The following CLNK variants were observed in gnomAD, a reference collection of about 807,000 sequenced individuals.
The protein encoded by CLNK is cytokine dependent hematopoietic cell linker, also known as cytokine-dependent hematopoietic cell linker.
In CLNK, 74 loss-of-function variants were observed where a neutral mutation model predicts 68.6. The observed-to-expected ratio is 1.08, with a 90% CI of 0.89 to 1.31. CLNK has a LOEUF of 1.31. Ranked by LOEUF, CLNK falls within the 50% of genes most tolerant of loss-of-function variation. CLNK has a pLI of 0.00. For missense variants in CLNK, 553 were observed against 515.3 expected (o/e 1.07, Z -0.71); for synonymous variants, 198 against 172.2 (o/e 1.15, Z -1.17).
rs1406370998 is a variant in CLNK, at chr4:10,637,094, C to T, written c.11+30765G>A. Among the ~76,000 whole-genome samples the T allele has an allele frequency of 2.0e-5, 3 of 152,150 alleles. No individual in the cohort carries two copies. The East Asian group carries it at 5.8e-4, about 29-fold the overall frequency. ...GCTGCTAAGAAGGACACGAGAAGAGCAAATAAACATGTTTCTATCATTTTC... is the reference window on the plus strand; with the variant it reads ...GCTGCTAAGAAGGACACGAGAAGAGTAAATAAACATGTTTCTATCATTTTC... On this transcript the variant is annotated intron_variant, in intron 2 of 18. Transcript: ENST00000226951.
At chr4:10,623,811 A>G (rs1045348681) in intron 2 of CLNK, among the ~76,000 whole-genome samples, 4 of 152,238 alleles carry the variant, frequency 2.6e-5, no homozygotes, top group African/African-American at 9.6e-5. Context: ...TACATTTGCT[A>G]CAGAAGGAGA....
the CLNK span, among the ~76,000 whole-genome samples, chr4:10,694,584 A>G: frequency 2.7e-3 from 416 of 152,312 alleles, 1 homozygote; most frequent in African/African-American, 9.3e-3. Context: ...ACAATAAACT[A>G]TACCATATAA....
chr4:10,706,588 C>T, the CLNK span, among the ~76,000 whole-genome samples: 2 of 152,148 alleles, frequency 1.3e-5, no homozygotes, highest in African/African-American at 4.8e-5. Context: ...ATGTATCTGT[C>T]ATCTGCATAC....
chr4:10,653,878 CGT>C (rs1560264052), intron 2 of CLNK, among the ~76,000 whole-genome samples: 4 of 152,132 alleles, frequency 2.6e-5, no homozygotes. Context: ...TGAACAAACA[CGT>C]ATGTAGAAAA....
intron 3 of CLNK, among the ~76,000 whole-genome samples, chr4:10,595,186 C>T (rs746794131): frequency 2.6e-5 from 4 of 152,214 alleles, no homozygotes; most frequent in Non-Finnish European, 4.4e-5. Flanking sequence ...CCACTTTCTA[C>T]TGGGACTGTG....
At chr4:10,643,952 C>A (rs1413225470) in intron 2 of CLNK, among the ~76,000 whole-genome samples, 1 of 152,190 alleles carries the variant, frequency 6.6e-6, no homozygotes, top group African/African-American at 2.4e-5. Flanking sequence ...AGGCCTGAAA[C>A]TGATTTTTGA....
rs1222973474 is a variant in CLNK at position 10,626,087 on chromosome 4, C to T, written c.12-28038G>A. 2.0e-5 allele frequency among the ~76,000 whole-genome samples: 3 copies of T among 152,352 alleles called. No homozygotes were observed. In the East Asian group the frequency reaches 5.8e-4, roughly 29 times the overall value. ...TTTGACTGGTTGGGGGTGGTGCTGG[C>T]TTCAAACCCAGGTCTCCCTGGCTGG... On this transcript the variant is annotated intron_variant, in intron 2 of 18. Transcript: ENST00000226951.
At position 10,653,353 on chromosome 4, in the gene CLNK, A is replaced by G. The variant is rs140936298; in HGVS notation, c.11+14506T>C. 7.4e-3 allele frequency among the ~76,000 whole-genome samples: 1,104 copies of G among 149,704 alleles called. 11 individuals carry two copies. Among genetic ancestry groups the G allele is most frequent in the African/African-American group, 0.025 (1,033 of 41,090 alleles). On this transcript the variant is annotated intron_variant, in intron 2 of 18. Transcript: ENST00000226951. ...ATTCTGCACACGTACTCCAGAACTT[A>G]AAGTATAAAAAAAAAGAACGTAAAA...
At chr4:10,638,508 G>A (rs1354899663) in intron 2 of CLNK, among the ~76,000 whole-genome samples, 1 of 152,202 alleles carries the variant, frequency 6.6e-6, no homozygotes, top group Non-Finnish European at 1.5e-5. Flanking sequence ...TTGTGATTCG[G>A]CTTTATTAAA....
chr4:10,684,330 A>AT (rs1223826644), intron 1 of CLNK, among the ~76,000 whole-genome samples: 3 of 152,160 alleles, frequency 2.0e-5, no homozygotes, highest in Non-Finnish European at 1.5e-5. Flanking sequence ...GGCTTACTTA[A>AT]TGAAGGTCAG....
chr4:10,578,579 C>CTTTTTTTTTTTTTTGTTTTTTTTT (rs1720659806), intron 4 of CLNK, among the ~76,000 whole-genome samples: 1 of 44,892 alleles, frequency 2.2e-5, no homozygotes, highest in African/African-American at 8.8e-5. Flanking sequence ...CTTACCTTAT[C>CTTTTTTTTTTTTTTGTTTTTTTTT]TTTTTTTTTT....
chr4:10,683,569 G>T (rs932307290), intron 1 of CLNK, among the ~76,000 whole-genome samples: 1 of 152,110 alleles, frequency 6.6e-6, no homozygotes, highest in East Asian at 1.9e-4. Flanking sequence ...ATATTACTTA[G>T]AGAACTCAAG....
intron 1 of CLNK, among the ~76,000 whole-genome samples, chr4:10,669,257 G>T (rs537507374): frequency 6.6e-6 from 1 of 152,306 alleles, no homozygotes; most frequent in African/African-American, 2.4e-5. Flanking sequence ...GTATAGTATA[G>T]TTCCTGCATC....
At chr4:10,655,701 G>C (rs1235927264) in intron 2 of CLNK, among the ~76,000 whole-genome samples, 1 of 141,730 alleles carries the variant, frequency 7.1e-6, no homozygotes, top group African/African-American at 2.7e-5. Context: ...CCAGGCTGGA[G>C]TGCAGTGGTG....
At chr4:10,540,713 A>C in intron 10 of CLNK, 109 bp from the exon 11 acceptor site, 1 of 743,870 alleles carries the variant, frequency 1.3e-6, no homozygotes, top group African/African-American at 1.7e-5. Flanking sequence ...TTGGGTTGAA[A>C]ATGCTAGTTT....
intron 1 of CLNK, among the ~76,000 whole-genome samples, chr4:10,677,908 T>A (rs533350707): frequency 6.6e-6 from 1 of 152,222 alleles, no homozygotes; most frequent in South Asian, 2.1e-4. Flanking sequence ...TTTGTTTAAT[T>A]TAGTTTCCGT....
intron 18 of CLNK, among the ~76,000 whole-genome samples, chr4:10,496,929 A>G (rs1577086241): frequency 6.6e-6 from 1 of 152,286 alleles, no homozygotes; most frequent in South Asian, 2.1e-4. Context: ...CTCCCACCCT[A>G]TGGAGTGCAC....
chr4:10,613,966 C>A (rs948982678), intron 2 of CLNK, among the ~76,000 whole-genome samples: 2 of 152,184 alleles, frequency 1.3e-5, no homozygotes, highest in African/African-American at 2.4e-5. Context: ...AGGTGCTGAC[C>A]AAGGACCCTG....
Position 10,486,958 on chromosome 4 carries a change from A to G in CLNK, c.*3509T>C, listed in dbSNP as rs1168406026. The G allele has an allele frequency of 6.6e-6, 1 of 152,220 alleles. No individual in the cohort carries two copies. Among genetic ancestry groups the G allele is most frequent in the Non-Finnish European group, 1.5e-5 (1 of 68,036 alleles). The allele number at this position is 152,220 out of a possible 1,614,324, so 9.4% of individuals were successfully genotyped here. A position where few individuals can be genotyped will look rare whatever the true frequency, so the allele number is the denominator to read the frequency against. On this transcript the variant is annotated 3_prime_UTR_variant, in exon 19 of 19. Coordinates refer to ENST00000226951, the MANE Select transcript of CLNK (RefSeq NM_052964.4). The stretch of plus-strand genomic sequence containing the variant: ...TCAACATCTACAATAGTGCTTAGTA[A>G]TGAATACACATGCAGTACACAAAGG...
Sources: gnomAD v4.1 joint callset for allele counts (sites outside exome capture counted in the v4.1 genomes callset) on GRCh38, gnomAD v4.1.1 for gene constraint, MANE v1.5 for transcripts, NCBI Gene and HGNC (gene_info 2026-07-23, HGNC 2026-07-21) for gene names.